Variants in CARMIL1 observed in about 807,000 individuals in gnomAD.
The protein encoded by CARMIL1 is capping protein regulator and myosin 1 linker 1.
Under a neutral mutation model 177.1 loss-of-function variants are expected in CARMIL1, and 90 were observed. That is an observed-to-expected ratio of 0.51 (90% CI 0.43 to 0.61). The LOEUF is 0.61. CARMIL1 is among the 20% of genes least tolerant of loss of function. CARMIL1 has a pLI of 0.00. For synonymous variants in CARMIL1, 577 were observed against 606.2 expected, an observed-to-expected ratio of 0.95 and a Z score of 0.71; for missense variants, 1,380 against 1,667.0, an observed-to-expected ratio of 0.83 and a Z score of 3.00.
intron 12 of CARMIL1, among the ~76,000 whole-genome samples, 185 bp from the exon 13 acceptor site, chr6:25,488,297 A>T (rs1311043079): frequency 3.3e-5 from 5 of 152,202 alleles, no homozygotes; most frequent in African/African-American, 1.2e-4. Flanking sequence ...TGTGTCTTTG[A>T]CCAACCTGTT....
rs1019562467 is a variant in CARMIL1, at chr6:25,339,683, C to T, written c.138+54774C>T. Among the ~76,000 whole-genome samples, 15 of 152,232 alleles carry T rather than the reference C, an allele frequency of 9.9e-5. No individual in the cohort carries two copies. The South Asian group carries it at 2.7e-3, about 27-fold the overall frequency. The stretch of plus-strand genomic sequence containing the variant: ...TTCAGTTCTCAGCAGGGTCAGGTTG[C>T]CTCTGGCTGGGCAGTGGGTGTCCAG... On this transcript the variant is annotated intron_variant, in intron 2 of 36. Transcript: ENST00000329474.
chr6:25,407,775 A>T (rs375747377), intron 2 of CARMIL1, among the ~76,000 whole-genome samples: 1 of 152,312 alleles, frequency 6.6e-6, no homozygotes, highest in South Asian at 2.1e-4. Flanking sequence ...AAGATAGGTT[A>T]GTGCTGATGG....
chr6:25,598,750 G>A (rs1348282272), intron 32 of CARMIL1, among the ~76,000 whole-genome samples: 8 of 152,138 alleles, frequency 5.3e-5, no homozygotes, highest in Non-Finnish European at 1.0e-4. Context: ...AAGGAATGGG[G>A]GCACCGAAGA....
At chr6:25,459,210 T>TTTTCTTTCTCTCTTTCTTTC (rs1799796978) in intron 8 of CARMIL1, among the ~76,000 whole-genome samples, 1 of 80,136 alleles carries the variant, frequency 1.2e-5, no homozygotes, top group Non-Finnish European at 2.5e-5. Context: ...GATCCCAACT[T>TTTTCTTTCTCTCTTTCTTTC]TTTCTTTCTT....
chr6:25,399,730 T>C lies in CARMIL1; in HGVS notation c.139-20384T>C, dbSNP rs559839004. ...TAAATCAAATTATGCCTGGAGGAAA[T>C]TTTATTTCCAATTTCAGTTGCTTTA... On this transcript the variant is annotated intron_variant, in intron 2 of 36. Transcript: ENST00000329474. Among the ~76,000 whole-genome samples, 3 of 152,296 alleles carry C rather than the reference T, an allele frequency of 2.0e-5. No individual in the cohort carries two copies. The South Asian group carries it at 6.2e-4, about 32-fold the overall frequency.
chr6:25,510,471 G>A, intron 18 of CARMIL1, 36 bp from the exon 19 acceptor site: 1 of 1,185,280 alleles, frequency 8.4e-7, no homozygotes, highest in Non-Finnish European at 1.2e-6. Context: ...TTATACACAT[G>A]TGTTTTGATG....
chr6:25,459,056 A>T (rs1799774946), intron 8 of CARMIL1, among the ~76,000 whole-genome samples: 1 of 151,936 alleles, frequency 6.6e-6, no homozygotes. Context: ...AGACTAGTTC[A>T]TGGATTTTTT....
intron 2 of CARMIL1, among the ~76,000 whole-genome samples, chr6:25,360,468 C>A (rs1789079529): frequency 6.6e-6 from 1 of 152,134 alleles, no homozygotes; most frequent in Non-Finnish European, 1.5e-5. Flanking sequence ...TCTGTGGGGA[C>A]TTTGATTTCT....
At chr6:25,280,539 C>A (rs1441915201) in intron 1 of CARMIL1, among the ~76,000 whole-genome samples, 2 of 150,214 alleles carry the variant, frequency 1.3e-5, no homozygotes, top group African/African-American at 4.9e-5. Context: ...TTAGGGAACC[C>A]GTGTGTGTTA....
intron 16 of CARMIL1, among the ~76,000 whole-genome samples, chr6:25,496,021 T>G (rs1803669984): frequency 6.6e-6 from 1 of 152,216 alleles, no homozygotes; most frequent in Non-Finnish European, 1.5e-5. Context: ...TCCCTTGTAA[T>G]GTGTATGAAA....
At chr6:25,572,521 C>T (rs925091741) in intron 29 of CARMIL1, among the ~76,000 whole-genome samples, 8 of 151,686 alleles carry the variant, frequency 5.3e-5, no homozygotes, top group African/African-American at 1.9e-4. Flanking sequence ...GGCAACAAGG[C>T]AAAACCCCGT....
intron 35 of CARMIL1, among the ~76,000 whole-genome samples, chr6:25,606,824 A>G (rs1816016768): frequency 6.6e-6 from 1 of 152,176 alleles, no homozygotes; most frequent in Non-Finnish European, 1.5e-5. Flanking sequence ...TGGCTGCGCT[A>G]CAGTGGCAGA....
At chr6:25,525,464 T>A (rs1000909580) in intron 23 of CARMIL1, among the ~76,000 whole-genome samples, 15 of 152,130 alleles carry the variant, frequency 9.9e-5, no homozygotes, top group Admixed American at 8.5e-4. Flanking sequence ...CACTAGTAGA[T>A]CTGTCTTGCA....
rs1337035701 is a variant in CARMIL1 at position 25,418,232 on chromosome 6, C to T, written c.139-1882C>T. On this transcript the variant is annotated intron_variant, in intron 2 of 36. Coordinates refer to ENST00000329474, the MANE Select transcript of CARMIL1 (RefSeq NM_017640.6). Reference sequence around the variant, plus strand: ...GCCCTGAAACTGGAAACACCTTGTGCAAACAGAAAGAGCTGGACACCCTAC... The same window carrying T: ...GCCCTGAAACTGGAAACACCTTGTGTAAACAGAAAGAGCTGGACACCCTAC... 2.0e-5 allele frequency among the ~76,000 whole-genome samples: 3 copies of T among 152,174 alleles called. No homozygotes were observed. In the East Asian group the frequency reaches 5.8e-4, roughly 29 times the overall value.
At chr6:25,568,582 A>G (rs1423146185) in intron 29 of CARMIL1, among the ~76,000 whole-genome samples, 1 of 152,200 alleles carries the variant, frequency 6.6e-6, no homozygotes, top group East Asian at 1.9e-4. Context: ...AAATCAAGAC[A>G]GGGTTTTTAT....
chr6:25,488,409 C>T (rs142441516), intron 12 of CARMIL1, 73 bp from the exon 13 acceptor site: 5 of 1,049,322 alleles, frequency 4.8e-6, no homozygotes, highest in East Asian at 4.7e-5. Flanking sequence ...AAGTGTTGGG[C>T]CATTTATAGA....
At chr6:25,431,263 AGTGT>A (rs71717418) in intron 4 of CARMIL1, among the ~76,000 whole-genome samples, 45,027 of 148,646 alleles carry the variant, frequency 0.3, 6,923 homozygotes, top group Non-Finnish European at 0.35. Context: ...CTACAAAGAA[AGTGT>A]GTGTGTGTGT....
intron 11 of CARMIL1, 134 bp from the exon 12 acceptor site, chr6:25,482,122 GA>G: frequency 1.7e-6 from 1 of 605,106 alleles, no homozygotes; most frequent in South Asian, 2.0e-5. Context: ...TAAATGTTTA[GA>G]AAACAAAGTC....
chr6:25,390,293 C>CATATATGTATATAT (rs1792618633), intron 2 of CARMIL1, among the ~76,000 whole-genome samples: 1 of 84,904 alleles, frequency 1.2e-5, no homozygotes, highest in Non-Finnish European at 2.3e-5. Flanking sequence ...TATATATTTA[C>CATATATGTATATAT]ATATATATAT....
Sources: allele counts gnomAD v4.1 joint callset (sites outside exome capture counted in the v4.1 genomes callset), GRCh38; gene constraint gnomAD v4.1.1; transcripts MANE v1.5; gene names NCBI Gene and HGNC (gene_info 2026-07-23, HGNC 2026-07-21).